SND1: variants seen among roughly 807,000 people sequenced by gnomAD.
SND1 encodes staphylococcal nuclease domain-containing protein 1.
In SND1, 38 loss-of-function variants were observed where a neutral mutation model predicts 121.7. The observed-to-expected ratio is 0.31, with a 90% confidence interval of 0.24 to 0.41. The LOEUF is 0.41. Ranked by LOEUF, SND1 falls within the 10% of genes least tolerant of loss-of-function variation. The pLI is 1.00. For missense variants in SND1, 868 were observed against 1,184.6 expected (o/e 0.73, Z 3.92); for synonymous variants, 401 against 447.4 (o/e 0.90, Z 1.31).
chr7:127,703,821 A>G (rs1418394051), intron 7 of SND1, among the ~76,000 whole-genome samples: 1 of 152,230 alleles, frequency 6.6e-6, no homozygotes, highest in Non-Finnish European at 1.5e-5. Context: ...CCTTTAGGAA[A>G]TTAATCTCAA....
intron 15 of SND1, among the ~76,000 whole-genome samples, chr7:127,973,462 A>C (rs562006876): frequency 6.6e-6 from 1 of 152,322 alleles, no homozygotes; most frequent in African/African-American, 2.4e-5. Context: ...GCAGAGGCTT[A>C]GATTGAGAAG....
chr7:127,871,910 C>T (rs1444803176), intron 12 of SND1, among the ~76,000 whole-genome samples: 2 of 152,076 alleles, frequency 1.3e-5, no homozygotes, highest in Admixed American at 6.6e-5. Context: ...GCAGGAAGAA[C>T]TCTTGAGGTC....
At chr7:127,759,054 A>AC in intron 10 of SND1, among the ~76,000 whole-genome samples, 3 of 136,362 alleles carry the variant, frequency 2.2e-5, no homozygotes, top group African/African-American at 8.4e-5. Context: ...ATGCTGTCTC[A>AC]AAAATAGATA....
intron 15 of SND1, among the ~76,000 whole-genome samples, chr7:127,943,312 C>T (rs1293192946): frequency 6.6e-6 from 1 of 151,622 alleles, no homozygotes; most frequent in Non-Finnish European, 1.5e-5. Context: ...TCCTTAGTTC[C>T]CACCTCACCT....
At chr7:127,915,620 A>G (rs1328874712) in intron 14 of SND1, among the ~76,000 whole-genome samples, 2 of 152,232 alleles carry the variant, frequency 1.3e-5, no homozygotes, top group Non-Finnish European at 2.9e-5. Context: ...CTTTACAGGG[A>G]ATACACAATT....
At chr7:127,732,082 G>A (rs1418045680) in intron 10 of SND1, among the ~76,000 whole-genome samples, 1 of 152,198 alleles carries the variant, frequency 6.6e-6, no homozygotes, top group Non-Finnish European at 1.5e-5. Flanking sequence ...AGAGATGGTG[G>A]ATCTGGAGAC....
chr7:127,971,907 G>C (rs1207721253), intron 15 of SND1, among the ~76,000 whole-genome samples: 1 of 151,488 alleles, frequency 6.6e-6, no homozygotes, highest in Non-Finnish European at 1.5e-5. Flanking sequence ...CAAGTAACTG[G>C]GATTACAGGT....
intron 14 of SND1, among the ~76,000 whole-genome samples, chr7:127,913,336 A>G (rs1800500175): frequency 6.6e-6 from 1 of 152,144 alleles, no homozygotes; most frequent in Non-Finnish European, 1.5e-5. Flanking sequence ...GTGCATGCAA[A>G]TGCACTCAGC....
intron 10 of SND1, among the ~76,000 whole-genome samples, chr7:127,768,732 A>G (rs966339909): frequency 6.6e-6 from 1 of 152,210 alleles, no homozygotes; most frequent in African/African-American, 2.4e-5. Flanking sequence ...TATTTTACCC[A>G]GGGGTAGAAT....
At chr7:127,953,619 T>C (rs1187845937) in intron 15 of SND1, among the ~76,000 whole-genome samples, 1 of 152,222 alleles carries the variant, frequency 6.6e-6, no homozygotes, top group Non-Finnish European at 1.5e-5. Flanking sequence ...ATTTAGTTTA[T>C]TGTCATAATG....
chr7:128,059,126 C>T (rs1004478071), intron 16 of SND1, among the ~76,000 whole-genome samples: 4 of 152,198 alleles, frequency 2.6e-5, no homozygotes, highest in African/African-American at 7.2e-5. Context: ...TGACCCTAGA[C>T]ATTCCCTATG....
chr7:127,989,034 C>T (rs1802461073), intron 15 of SND1, among the ~76,000 whole-genome samples: 2 of 152,340 alleles, frequency 1.3e-5, no homozygotes, highest in South Asian at 4.1e-4. Flanking sequence ...ATGTAAAAAA[C>T]ATGGGCCATC....
chr7:127,798,756 T>C (rs1292787260), intron 10 of SND1, among the ~76,000 whole-genome samples: 1 of 152,162 alleles, frequency 6.6e-6, no homozygotes, highest in African/African-American at 2.4e-5. Flanking sequence ...TATTTAAAAA[T>C]TCACATGGTC....
intron 14 of SND1, among the ~76,000 whole-genome samples, chr7:127,912,555 G>C (rs74699931): frequency 3.5e-4 from 53 of 152,230 alleles, no homozygotes; most frequent in South Asian, 1.0e-3. Flanking sequence ...CTGTTTTTGC[G>C]TCTGTAGCAA....
chr7:128,068,528 A>G (rs772165717), intron 16 of SND1, among the ~76,000 whole-genome samples: 1 of 152,302 alleles, frequency 6.6e-6, no homozygotes, highest in South Asian at 2.1e-4. Flanking sequence ...GAATCCAGAC[A>G]ATGGGGAGAA....
intron 16 of SND1, among the ~76,000 whole-genome samples, chr7:128,057,366 C>T (rs1195883477): frequency 6.6e-6 from 1 of 152,150 alleles, no homozygotes; most frequent in Non-Finnish European, 1.5e-5. Flanking sequence ...AATAGCATTT[C>T]GTCGCTGGTA....
At chr7:128,074,747 ATGC>A (rs1793478113) in intron 17 of SND1, 57 bp downstream of exon 17, 1 of 1,465,786 alleles carries the variant, frequency 6.8e-7, no homozygotes, top group Non-Finnish European at 9.3e-7. Context: ...TCACACACTA[ATGC>A]TGCTGCCTCC....
At chr7:128,081,330 T>A in intron 17 of SND1, 30 bp from the exon 18 acceptor site, 1 of 1,613,332 alleles carries the variant, frequency 6.2e-7, no homozygotes, top group South Asian at 1.1e-5. Context: ...TTCCTCGCCC[T>A]CTTCTCACCT....
At chr7:127,784,105 C>T (rs1055799033) in intron 10 of SND1, among the ~76,000 whole-genome samples, 7 of 152,180 alleles carry the variant, frequency 4.6e-5, no homozygotes, top group African/African-American at 1.7e-4. Flanking sequence ...CTGATTTAAA[C>T]TTCTGGATAT....
Sources: gnomAD v4.1 joint callset for allele counts (sites outside exome capture counted in the v4.1 genomes callset) on GRCh38, gnomAD v4.1.1 for gene constraint, MANE v1.5 for transcripts, NCBI Gene and HGNC (gene_info 2026-07-23, HGNC 2026-07-21) for gene names.